The following LRP1B variants were observed in gnomAD, a reference collection of about 807,000 sequenced individuals.
LRP1B encodes LDL receptor related protein 1B.
In LRP1B, 217 loss-of-function variants were observed where a neutral mutation model predicts 556.6. That is an observed-to-expected ratio of 0.39 (90% CI 0.35 to 0.44). The LOEUF (loss-of-function observed/expected upper bound fraction) is 0.44, where lower values mean the gene tolerates loss of function less well. Ranked by LOEUF, LRP1B falls within the 20% of genes least tolerant of loss-of-function variation. The pLI is 1.00. For missense variants in LRP1B, 5,053 were observed against 5,620.8 expected (o/e 0.90, Z 3.23); for synonymous variants, 2,047 against 1,865.8 (o/e 1.10, Z -2.50).
At chr2:140,421,442 T>C (rs1316698862) in intron 66 of LRP1B, among the ~76,000 whole-genome samples, 1 of 152,194 alleles carries the variant, frequency 6.6e-6, no homozygotes, top group South Asian at 2.1e-4. Flanking sequence ...CTAATTATTA[T>C]ACTGAATACA....
At chr2:140,957,347 G>T (rs1315234744) in intron 18 of LRP1B, among the ~76,000 whole-genome samples, 1 of 151,524 alleles carries the variant, frequency 6.6e-6, no homozygotes, top group African/African-American at 2.4e-5. Context: ...TTGAGAAAAT[G>T]AAAGAATTTT....
At chr2:140,889,240 A>C (rs1693729897) in intron 23 of LRP1B, among the ~76,000 whole-genome samples, 1 of 152,226 alleles carries the variant, frequency 6.6e-6, no homozygotes, top group Non-Finnish European at 1.5e-5. Flanking sequence ...CATAATTGGA[A>C]GTCCAAGAAT....
At chr2:141,586,674 G>A (rs1056280738) in intron 2 of LRP1B, among the ~76,000 whole-genome samples, 2 of 152,224 alleles carry the variant, frequency 1.3e-5, no homozygotes, top group African/African-American at 4.8e-5. Context: ...CGGGCGCGGT[G>A]GCTCACGCCT....
chr2:140,711,831 A>G (rs1157944299), intron 37 of LRP1B, among the ~76,000 whole-genome samples: 2 of 152,146 alleles, frequency 1.3e-5, no homozygotes, highest in East Asian at 1.9e-4. Flanking sequence ...TCCGCATTCT[A>G]TCTTTTCTTT....
intron 2 of LRP1B, among the ~76,000 whole-genome samples, chr2:141,655,064 C>T (rs1029314387): frequency 6.6e-5 from 10 of 152,096 alleles, no homozygotes; most frequent in Admixed American, 5.9e-4. Flanking sequence ...TGTGGAAATA[C>T]TCTATTCTTG....
At chr2:141,826,594 C>T (rs1394772129) in intron 1 of LRP1B, among the ~76,000 whole-genome samples, 3 of 151,994 alleles carry the variant, frequency 2.0e-5, no homozygotes, top group African/African-American at 7.2e-5. Flanking sequence ...CTCCTGACCT[C>T]GTGATCCGCC....
intron 3 of LRP1B, among the ~76,000 whole-genome samples, chr2:141,423,356 G>C (rs1680223378): frequency 6.9e-6 from 1 of 145,856 alleles, no homozygotes; most frequent in South Asian, 2.2e-4. Context: ...CAGATGGAGA[G>C]AGCAGTTAAC....
rs1258834778 is a variant in LRP1B, at chr2:140,787,408, A to G, written c.5360-11170T>C. 2.0e-5 allele frequency among the ~76,000 whole-genome samples: 3 copies of G among 152,132 alleles called. No individual in the cohort carries two copies. The East Asian group carries it at 5.8e-4, about 29-fold the overall frequency. ...TATTTCCAGATTCAGCTCAAATGGTATCTTTATTTGCAAAGTTTACTAGTC... is the reference window on the plus strand; with the variant it reads ...TATTTCCAGATTCAGCTCAAATGGTGTCTTTATTTGCAAAGTTTACTAGTC... On this transcript the variant is annotated intron_variant, in intron 32 of 90. Transcript: ENST00000389484.
intron 3 of LRP1B, among the ~76,000 whole-genome samples, chr2:141,473,132 C>A (rs1682543220): frequency 6.6e-6 from 1 of 151,482 alleles, no homozygotes; most frequent in Non-Finnish European, 1.5e-5. Context: ...AGCAATTATG[C>A]CTTATAAATC....
chr2:140,896,428 A>T lies in LRP1B; in HGVS notation c.3766+6492T>A, dbSNP rs1012863353. Among the ~76,000 whole-genome samples the T allele has an allele frequency of 5.3e-5, 8 of 152,186 alleles. 1 individual carries two copies. The highest frequency in any genetic ancestry group is 4.1e-4 in the South Asian group (2 of 4,832). On this transcript the variant is annotated intron_variant, in intron 23 of 90. Coordinates refer to ENST00000389484, the MANE Select transcript of LRP1B (RefSeq NM_018557.3). ...AGGGAAGAGTGTAGAGAAATAAAAAAAAGATGAGAGAACTACGGAGGAAAA... is the reference window on the plus strand; with the variant it reads ...AGGGAAGAGTGTAGAGAAATAAAAATAAGATGAGAGAACTACGGAGGAAAA...
chr2:140,700,270 T>A lies in LRP1B; in HGVS notation c.6779A>T (p.Asp2260Val). 6.2e-7 allele frequency: 1 copy of A among 1,611,188 alleles called. No homozygotes were observed. Among genetic ancestry groups the A allele is most frequent in the South Asian group, 1.1e-5 (1 of 90,986 alleles). The change falls in exon 41 of 91, where the codon GAC becomes GTC. Residue 2260 changes from aspartate (D) to valine (V), a missense_variant. Coordinates refer to ENST00000389484, the MANE Select transcript of LRP1B (RefSeq NM_018557.3). Reference sequence around the variant, plus strand: ...CTTACTTTCAACAATTACTTGTCTGTCTTCCCAGTTGTCTTTAATAAGCTG... The same window carrying A: ...CTTACTTTCAACAATTACTTGTCTGACTTCCCAGTTGTCTTTAATAAGCTG... ...NIQLIKDNWE[D>V]RQVIVENVGS...
intron 57 of LRP1B, among the ~76,000 whole-genome samples, chr2:140,492,337 G>T (rs1051968461): frequency 1.3e-5 from 2 of 152,078 alleles, no homozygotes; most frequent in African/African-American, 4.8e-5. Context: ...CTTAAAACTG[G>T]CATAAACATA....
At chr2:142,112,987 T>C (rs116091627) in intron 1 of LRP1B, among the ~76,000 whole-genome samples, 1 of 152,214 alleles carries the variant, frequency 6.6e-6, no homozygotes, top group African/African-American at 2.4e-5. Context: ...AAAAATAAGT[T>C]GGTACTTAAC....
In LRP1B at chr2:141,119,433, G is replaced by A. The variant is rs575840772; in HGVS notation, c.1014-57160C>T. ...CTAAAAGTTTTCAATTAAAAATGAG[G>A]CAGCAAGCATATTTGTCTCATACTA... On this transcript the variant is annotated intron_variant, in intron 7 of 90. Coordinates refer to ENST00000389484, the MANE Select transcript of LRP1B (RefSeq NM_018557.3). Among the ~76,000 whole-genome samples the A allele has an allele frequency of 7.2e-5, 11 of 151,770 alleles. No homozygotes were observed. The South Asian group carries it at 1.9e-3, about 26-fold the overall frequency.
chr2:141,875,889 T>C (rs932872706), intron 1 of LRP1B, among the ~76,000 whole-genome samples: 2 of 151,962 alleles, frequency 1.3e-5, no homozygotes, highest in Non-Finnish European at 2.9e-5. Flanking sequence ...ATATGAAGAG[T>C]CAAATGCATT....
chr2:140,295,445 G>A (rs554641443), intron 84 of LRP1B, among the ~76,000 whole-genome samples: 51 of 152,302 alleles, frequency 3.3e-4, no homozygotes, highest in African/African-American at 1.2e-3. Context: ...GATACTAAGT[G>A]TTATGCTTGA....
At chr2:141,903,236 C>T (rs939569046) in intron 1 of LRP1B, among the ~76,000 whole-genome samples, 1 of 151,782 alleles carries the variant, frequency 6.6e-6, no homozygotes, top group African/African-American at 2.4e-5. Context: ...ACATCCCTAT[C>T]TGTATAGTTG....
intron 1 of LRP1B, among the ~76,000 whole-genome samples, chr2:142,003,036 C>T (rs1702702762): frequency 6.6e-6 from 1 of 152,190 alleles, no homozygotes; most frequent in African/African-American, 2.4e-5. Context: ...ATTAAAAATT[C>T]AGATGATTAG....
intron 43 of LRP1B, among the ~76,000 whole-genome samples, chr2:140,590,876 C>A (rs1682195450): frequency 6.6e-6 from 1 of 152,120 alleles, no homozygotes; most frequent in Non-Finnish European, 1.5e-5. Flanking sequence ...TTAAAGTGTT[C>A]ACTCTACGCT....
Sources: gnomAD v4.1 joint callset for allele counts (sites outside exome capture counted in the v4.1 genomes callset) on GRCh38, gnomAD v4.1.1 for gene constraint, MANE v1.5 for transcripts, NCBI Gene and HGNC (gene_info 2026-07-23, HGNC 2026-07-21) for gene names.